The following TRAPPC14 variants were observed in gnomAD, a reference collection of about 807,000 sequenced individuals.
TRAPPC14 encodes the protein trafficking protein particle complex subunit 14.
TRAPPC14 carries 24 observed loss-of-function variants against 56.6 expected under a neutral mutation model. The observed-to-expected ratio is 0.42, with a 90% CI of 0.31 to 0.60. The LOEUF is 0.60. TRAPPC14 is among the 20% of genes least tolerant of loss of function. TRAPPC14 has a pLI of 0.14. For synonymous variants in TRAPPC14, 377 were observed against 347.0 expected (o/e 1.09, Z -0.96); for missense variants, 615 against 790.3 (o/e 0.78, Z 2.66).
rs1798846768 is a variant in TRAPPC14, at chr7:100,155,062, G to C, written c.1692C>G (p.Asp564Glu). The C allele has an allele frequency of 1.2e-6, 2 of 1,614,136 alleles. No homozygotes were observed. The highest frequency in any genetic ancestry group is 2.7e-5 in the African/African-American group (2 of 75,030). Residue 564 changes from aspartate (D) to glutamate (E), a missense_variant, in exon 11 of 11, where the codon GAC (aspartate) becomes GAG (glutamate). Transcript: ENST00000316937. Reference sequence around the variant, plus strand: ...CCTTGCACTCGCGCTTGGCAATCTTGTCCAGAGACAACACAGCCTTGTCCG... The same window carrying C: ...CCTTGCACTCGCGCTTGGCAATCTTCTCCAGAGACAACACAGCCTTGTCCG... ...LPPDKAVLSL[D>E]KIAKRECKVL...
rs755620449 is a variant in TRAPPC14, at chr7:100,157,075, G to GCCCCT, written c.845+14_845+18dup. On this transcript the variant is annotated intron_variant, in intron 5 of 10. Coordinates refer to ENST00000316937, the MANE Select transcript of TRAPPC14 (RefSeq NM_018275.5). Reference sequence around the variant, plus strand: ...GCCATCCCCACCACTTCACAGCCTCGCCCCTCCCAGGACCTCACCAGACAT... The same window carrying GCCCCT: ...GCCATCCCCACCACTTCACAGCCTCGCCCCTCCCCTCCCAGGACCTCACCAGACAT... 7 of 1,613,768 alleles carry GCCCCT rather than the reference G, an allele frequency of 4.3e-6. No homozygotes were observed. The African/African-American group carries it at 9.3e-5, about 22-fold the overall frequency.
rs1190503075 is a variant in TRAPPC14, at chr7:100,158,239, G to A, written c.261C>T (p.Ala87=). 4.7e-6 allele frequency: 7 copies of A among 1,483,382 alleles called. No homozygotes were observed. Among genetic ancestry groups the A allele is most frequent in the Non-Finnish European group, 6.2e-6 (7 of 1,123,940 alleles). 91.9% of individuals were successfully genotyped at this position (1,483,382 alleles called of 1,614,324 possible). Residue 87 remains alanine, a synonymous_variant, in exon 1 of 11, where the codon GCC becomes GCT. Coordinates refer to ENST00000316937, the MANE Select transcript of TRAPPC14 (RefSeq NM_018275.5). ...TALAALASVS[A]GGGMPGGGGA... is the part of the protein sequence containing the mutation. ...CGCCGCCCCCCGGCATCCCGCCTCC[G>A]GCGCTGACCGAGGCCAGGGCGGCCA...
rs762767659 is a variant in TRAPPC14 at position 100,157,259 on chromosome 7, G to C, written c.725-45C>G. On this transcript the variant is annotated intron_variant, in intron 4 of 10. Transcript: ENST00000316937. ...TGGCTCAGAATAGCTGGACCCCTCA[G>C]GCCCCACCTTTACCCAGAAAAAACC... is the stretch of plus-strand genomic sequence containing the variant. The C allele has an allele frequency of 3.1e-6, 5 of 1,613,874 alleles. No individual in the cohort carries two copies. The East Asian group carries it at 1.1e-4, about 36-fold the overall frequency.
chr7:100,156,533 A>G lies in TRAPPC14; in HGVS notation c.1093T>C (p.Leu365=). The G allele has an allele frequency of 6.2e-7, 1 of 1,614,158 alleles. No homozygotes were observed. Among genetic ancestry groups the G allele is most frequent in the Non-Finnish European group, 8.5e-7 (1 of 1,180,012 alleles). ...YTHYRLPSVR[L]DRPCFVMTAS... The stretch of plus-strand genomic sequence containing the variant: ...GTCATCACAAAACACGGGCGGTCCA[A>G]GCGGACACTGGGCAGGCTAGGAGTG... Residue 365 remains leucine (L), a synonymous_variant, in exon 8 of 11, where the codon TTG becomes CTG. Coordinates refer to ENST00000316937, the MANE Select transcript of TRAPPC14 (RefSeq NM_018275.5).
intron 9 of TRAPPC14, 57 bp downstream of exon 9, chr7:100,155,614 C>T (rs1195552571): frequency 3.3e-6 from 5 of 1,528,578 alleles, no homozygotes; most frequent in Middle Eastern, 1.9e-4. Context: ...GTCCTGCCTC[C>T]GTCCACCCCA....
intron 9 of TRAPPC14, 34 bp downstream of exon 9, chr7:100,155,637 A>T: frequency 6.4e-7 from 1 of 1,564,930 alleles, no homozygotes; most frequent in African/African-American, 1.4e-5. Context: ...ATTCTGCATC[A>T]CTCAGCACTC....
At position 100,157,849 on chromosome 7, in the gene TRAPPC14, C is replaced by T; in HGVS notation, c.501G>A (p.Lys167=). Residue 167 remains lysine (K), a synonymous_variant, in exon 2 of 11, where the codon AAG becomes AAA. Coordinates refer to ENST00000316937, the MANE Select transcript of TRAPPC14 (RefSeq NM_018275.5). The part of the protein sequence containing the change: ...SLDRLPPGTP[K]AKIVVTVWKR... ...CCACTCTTGCTCATCTTACCTTGGC[C>T]TTAGGTGTCCCTGGGGGCAGTCTAT... The T allele has an allele frequency of 6.3e-7, 1 of 1,599,686 alleles. No homozygotes were observed. Among genetic ancestry groups the T allele is most frequent in the African/African-American group, 1.3e-5 (1 of 74,876 alleles).
Position 100,156,919 on chromosome 7 carries a change from G to T in TRAPPC14, c.919C>A (p.Leu307Met). The T allele has an allele frequency of 6.2e-7, 1 of 1,614,110 alleles. No homozygotes were observed. Among genetic ancestry groups the T allele is most frequent in the Non-Finnish European group, 8.5e-7 (1 of 1,180,040 alleles). Residue 307 changes from leucine (L) to methionine (M), a missense_variant, in exon 6 of 11, where the codon CTG becomes ATG. Physicochemically the swap from Leu to Met is conservative, Grantham distance 15 (BLOSUM62 2). Coordinates refer to ENST00000316937, the MANE Select transcript of TRAPPC14 (RefSeq NM_018275.5). ...AAGTTGTGTTCCTCCAGGGCATTCA[G>T]CGGGCAGGGGAAGCAGCCAGAGGTC... ...PGTSGCFPCP[L>M]NALEEHNFLF...
Position 100,154,789 on chromosome 7 carries a change from C to T in TRAPPC14, c.*222G>A, listed in dbSNP as rs544911959. ...GCCTAGGGGTGGGGCCAGCCCCCCC[C>T]ACAGGAACTCGGGGAATACTGGTGG... On this transcript the variant is annotated 3_prime_UTR_variant, in exon 11 of 11. Transcript: ENST00000316937. 349 of 592,788 alleles carry T rather than the reference C, an allele frequency of 5.9e-4. No individual in the cohort carries two copies. The highest frequency in any genetic ancestry group is 5.7e-3 in the African/African-American group (303 of 53,568). The allele number at this position is 592,788 out of a possible 1,614,324, so 36.7% of individuals were successfully genotyped here.
At chr7:100,157,992 G>T in intron 1 of TRAPPC14, 54 bp from the exon 2 acceptor site, 2 of 1,478,194 alleles carry the variant, frequency 1.4e-6, no homozygotes, top group Non-Finnish European at 1.8e-6. Flanking sequence ...GCAGCCTGCA[G>T]CCTTTCCCTT....
rs765323996 is a variant in TRAPPC14 at position 100,157,466 on chromosome 7, G to A, written c.638-7C>T. 6.2e-7 allele frequency: 1 copy of A among 1,611,602 alleles called. No homozygotes were observed. Among genetic ancestry groups the A allele is most frequent in the Non-Finnish European group, 8.5e-7 (1 of 1,179,006 alleles). ...AGAGTCAGCAGCGTGCTCACTGCGG[G>A]AGGGGGTGGGGGCAAGAAGTGATGG... On this transcript the variant is annotated splice_polypyrimidine_tract_variant and splice_region_variant and intron_variant, in intron 3 of 10. Coordinates refer to ENST00000316937, the MANE Select transcript of TRAPPC14 (RefSeq NM_018275.5).
At position 100,155,351 on chromosome 7, in the gene TRAPPC14, A is replaced by G. The variant is rs1006921376; in HGVS notation, c.1500T>C (p.Ala500=). 4 of 1,550,950 alleles carry G rather than the reference A, an allele frequency of 2.6e-6. No individual in the cohort carries two copies. In the African/African-American group the frequency reaches 5.5e-5, roughly 21 times the overall value. The change falls in exon 10 of 11, where the codon GCT becomes GCC. Residue 500 remains alanine (A), a synonymous_variant. Transcript: ENST00000316937. The part of the protein sequence containing the change: ...LSRKSSPSSP[A]VRDLVERHQA... Reference sequence around the variant, plus strand: ...GATGCCTCTCCACCAAGTCCCGGACAGCAGGGCTGCTGGGGCTGCTCTTGC... The same window carrying G: ...GATGCCTCTCCACCAAGTCCCGGACGGCAGGGCTGCTGGGGCTGCTCTTGC...
At chr7:100,156,265 A>T in intron 8 of TRAPPC14, 121 bp downstream of exon 8, 1 of 973,166 alleles carries the variant, frequency 1.0e-6, no homozygotes, top group Non-Finnish European at 1.5e-6. Flanking sequence ...CACCTGCCAC[A>T]AGTCGCCTCC....
Position 100,157,744 on chromosome 7 carries a change from T to C in TRAPPC14, c.526A>G (p.Lys176Glu), listed in dbSNP as rs774427431. Residue 176 changes from lysine to glutamate, a missense_variant, in exon 3 of 11, where the codon AAG (lysine) becomes GAG (glutamate). Lys to Glu is a moderately conservative substitution (Grantham distance 56). Coordinates refer to ENST00000316937, the MANE Select transcript of TRAPPC14 (RefSeq NM_018275.5). ...PKAKIVVTVW[K>E]REIEAPEVRD... ...ACCTCTGGTGCCTCAATCTCCCGCT[T>C]CCACACAGTCACTACAATCTGTCAA... is the stretch of plus-strand genomic sequence containing the variant. The C allele has an allele frequency of 5.6e-6, 9 of 1,614,194 alleles. No homozygotes were observed. In the East Asian group the frequency reaches 2.0e-4, roughly 36 times the overall value.
In TRAPPC14 at chr7:100,155,465, G is replaced by A. The variant is rs770693224; in HGVS notation, c.1396-10C>T. On this transcript the variant is annotated splice_polypyrimidine_tract_variant and intron_variant, in intron 9 of 10. Transcript: ENST00000316937. ...TCATGTGCTGGCTTAGCTGGGGGGAGACACAGGTCAGCATGCCAGCTCGGC... is the reference window on the plus strand; with the variant it reads ...TCATGTGCTGGCTTAGCTGGGGGGAAACACAGGTCAGCATGCCAGCTCGGC... 6 of 1,518,156 alleles carry A rather than the reference G, an allele frequency of 4.0e-6. No homozygotes were observed. Among genetic ancestry groups the A allele is most frequent in the Non-Finnish European group, 4.4e-6 (5 of 1,131,706 alleles). The allele number at this position is 1,518,156 out of a possible 1,614,324, so 94.0% of individuals were successfully genotyped here. A position where few individuals can be genotyped will look rare whatever the true frequency, so the allele number is the denominator to read the frequency against.
At chr7:100,156,786 G>A in intron 6 of TRAPPC14, 59 bp downstream of exon 6, 1 of 1,604,366 alleles carries the variant, frequency 6.2e-7, no homozygotes, top group Non-Finnish European at 8.5e-7. Flanking sequence ...CAGCTGCCTG[G>A]TCTTTCCCTC....
rs1798868606 is a variant in TRAPPC14 at position 100,155,890 on chromosome 7, GCA to G, written c.1241-67_1241-66del. Reference sequence around the variant, plus strand: ...CCTCATTCCCACAGGGCCTTCGCCAGCACAGTCTCATCTGATTCTCAAAGCCA... The same window carrying G: ...CCTCATTCCCACAGGGCCTTCGCCAGCAGTCTCATCTGATTCTCAAAGCCA... On this transcript the variant is annotated intron_variant, in intron 8 of 10. Coordinates refer to ENST00000316937, the MANE Select transcript of TRAPPC14 (RefSeq NM_018275.5). 3.1e-6 allele frequency: 5 copies of G among 1,594,582 alleles called. No individual in the cohort carries two copies. The East Asian group carries it at 6.7e-5, about 21-fold the overall frequency.
In TRAPPC14 at chr7:100,157,775, A is replaced by T. The variant is rs1200466058; in HGVS notation, c.508-13T>A. 26 of 1,614,200 alleles carry T rather than the reference A, an allele frequency of 1.6e-5. No individual in the cohort carries two copies. The highest frequency in any genetic ancestry group is 2.2e-5 in the Non-Finnish European group (26 of 1,180,018). ...CAGTCACTACAATCTGTCAAGAGGAAAGACAGATGGCTGAGCCCGGAAAAG... is the reference window on the plus strand; with the variant it reads ...CAGTCACTACAATCTGTCAAGAGGATAGACAGATGGCTGAGCCCGGAAAAG... On this transcript the variant is annotated splice_polypyrimidine_tract_variant and intron_variant, in intron 2 of 10. Transcript: ENST00000316937.
At position 100,158,445 on chromosome 7, in the gene TRAPPC14, G is replaced by T; in HGVS notation, c.55C>A (p.Arg19Ser). The T allele has an allele frequency of 7.2e-7, 1 of 1,395,942 alleles. No homozygotes were observed. The allele number at this position is 1,395,942 out of a possible 1,614,324, so 86.5% of individuals were successfully genotyped here. Residue 19 changes from arginine to serine, a missense_variant, in exon 1 of 11, where the codon CGC becomes AGC. Coordinates refer to ENST00000316937, the MANE Select transcript of TRAPPC14 (RefSeq NM_018275.5). ...MYFPAVPLPP[R>S]AELAGDPGRY... ...CCCGGATCCCCTGCCAGCTCCGCGC[G>T]CGGCGGCAGCGGCACGGCCGGGAAG...
Sources: allele counts gnomAD v4.1 joint callset, GRCh38; gene constraint gnomAD v4.1.1; transcripts MANE v1.5; gene names NCBI Gene and HGNC (gene_info 2026-07-23, HGNC 2026-07-21).